SRGAP1: variants seen among roughly 807,000 people sequenced by gnomAD.
SRGAP1 encodes SLIT-ROBO Rho GTPase-activating protein 1.
SRGAP1 carries 43 observed loss-of-function variants against 121.9 expected under a neutral mutation model. The observed-to-expected ratio is 0.35, with a 90% confidence interval of 0.28 to 0.46. SRGAP1 has a LOEUF of 0.46. Ranked by LOEUF, SRGAP1 falls within the 20% of genes least tolerant of loss-of-function variation. The pLI is 1.00. For missense variants in SRGAP1, 1,102 were observed against 1,350.9 expected (o/e 0.82, Z 2.89); for synonymous variants, 447 against 485.4 (o/e 0.92, Z 1.04).
chr12:63,887,993 C>T (rs903365611), intron 1 of SRGAP1: 10 of 152,206 alleles, frequency 6.6e-5, no homozygotes, highest in Non-Finnish European at 1.2e-4. Flanking sequence ...TTGAGGTTCC[C>T]TCAATCCAAA....
intron 14 of SRGAP1, among the ~76,000 whole-genome samples, chr12:64,095,928 C>T (rs984054615): frequency 2.0e-5 from 3 of 152,110 alleles, no homozygotes; most frequent in Non-Finnish European, 4.4e-5. Flanking sequence ...TGCACACTTT[C>T]GTGTCAGGCA....
intron 6 of SRGAP1, among the ~76,000 whole-genome samples, chr12:64,044,674 C>G (rs537640348): frequency 1.4e-5 from 1 of 72,124 alleles, no homozygotes; most frequent in South Asian, 4.9e-4. Flanking sequence ...TGATGTGCCT[C>G]TTTTTTTTTT....
At chr12:63,868,086 T>TTTTTTTG (rs1899721348) in intron 1 of SRGAP1, among the ~76,000 whole-genome samples, 1 of 82,598 alleles carries the variant, frequency 1.2e-5, no homozygotes, top group African/African-American at 4.9e-5. Flanking sequence ...TTTGTTTTTT[T>TTTTTTTG]TTTTTTGTTT....
At chr12:64,090,961 G>C (rs1199544541) in intron 11 of SRGAP1, among the ~76,000 whole-genome samples, 3 of 152,184 alleles carry the variant, frequency 2.0e-5, no homozygotes, top group Admixed American at 2.0e-4. Context: ...CAAATAACAA[G>C]AATGCTGGTT....
At chr12:63,959,310 T>G (rs1565970168) in intron 1 of SRGAP1, among the ~76,000 whole-genome samples, 1 of 152,224 alleles carries the variant, frequency 6.6e-6, no homozygotes, top group Non-Finnish European at 1.5e-5. Flanking sequence ...AACTAGCTCA[T>G]AAACTGAGGA....
chr12:64,018,014 G>C (rs1054972394), intron 4 of SRGAP1, among the ~76,000 whole-genome samples: 1 of 151,826 alleles, frequency 6.6e-6, no homozygotes, highest in Non-Finnish European at 1.5e-5. Flanking sequence ...TATTTTAAGA[G>C]AATAAAATAA....
intron 1 of SRGAP1, among the ~76,000 whole-genome samples, chr12:63,932,121 CA>C (rs896914873): frequency 4.0e-4 from 59 of 148,920 alleles, no homozygotes; most frequent in African/African-American, 1.3e-3. Flanking sequence ...ACTAAAAATA[CA>C]AAAAAAAAAT....
chr12:64,045,753 TA>T (rs1425443521), intron 6 of SRGAP1, among the ~76,000 whole-genome samples: 1 of 152,242 alleles, frequency 6.6e-6, no homozygotes, highest in East Asian at 1.9e-4. Context: ...AAACCAACTT[TA>T]ATACAAGAAA....
chr12:64,137,098 T>C (rs1387730677), intron 21 of SRGAP1, among the ~76,000 whole-genome samples: 5 of 151,968 alleles, frequency 3.3e-5, no homozygotes, highest in Non-Finnish European at 7.4e-5. Flanking sequence ...ACCCTGTCTC[T>C]ACAAAAAATA....
rs59798383 is a variant in SRGAP1, at chr12:63,992,660, TACACACACACACACACAC to T, written c.426+2627_426+2644del. ...AATGGCCTGGAGAATGCACAGTAAA[TACACACACACACACACAC>T]ACACACACACACACACACACACACA... On this transcript the variant is annotated intron_variant, in intron 3 of 21. Coordinates refer to ENST00000355086, the MANE Select transcript of SRGAP1 (RefSeq NM_020762.4). 1.9e-3 allele frequency among the ~76,000 whole-genome samples: 258 copies of T among 138,576 alleles called. 1 individual carries two copies. Among genetic ancestry groups the T allele is most frequent in the East Asian group, 9.4e-3 (44 of 4,672 alleles). The allele number at this position is 138,576 out of a possible 152,430, so 90.9% of individuals were successfully genotyped here.
chr12:64,064,842 G>A (rs2035509265), intron 7 of SRGAP1, among the ~76,000 whole-genome samples: 2 of 152,166 alleles, frequency 1.3e-5, no homozygotes, highest in Admixed American at 6.5e-5. Flanking sequence ...CAGCATCGGA[G>A]CTCCATCGCA....
chr12:63,998,333 A>G (rs750405098), intron 3 of SRGAP1, among the ~76,000 whole-genome samples: 1 of 152,246 alleles, frequency 6.6e-6, no homozygotes, highest in African/African-American at 2.4e-5. Flanking sequence ...AAGACCCAGC[A>G]TTAGCAAGGC....
At chr12:63,924,935 G>A (rs1377663545) in intron 1 of SRGAP1, among the ~76,000 whole-genome samples, 5 of 152,156 alleles carry the variant, frequency 3.3e-5, no homozygotes, top group African/African-American at 1.2e-4. Context: ...TAAAATTTTT[G>A]TCTTAAAAAA....
intron 1 of SRGAP1, among the ~76,000 whole-genome samples, chr12:63,965,268 T>A (rs185655341): frequency 5.3e-5 from 8 of 152,302 alleles, no homozygotes. Flanking sequence ...AACACATCAT[T>A]GGGTTTTGGA....
At chr12:64,112,189 A>G (rs1476060823) in intron 17 of SRGAP1, among the ~76,000 whole-genome samples, 5 of 152,188 alleles carry the variant, frequency 3.3e-5, no homozygotes, top group Non-Finnish European at 5.9e-5. Flanking sequence ...AAGGACTCTT[A>G]TCTTTCAAAT....
chr12:63,961,237 T>C (rs935506276), intron 1 of SRGAP1, among the ~76,000 whole-genome samples: 3 of 152,224 alleles, frequency 2.0e-5, no homozygotes, highest in Admixed American at 6.5e-5. Context: ...TACTGTGTAG[T>C]GTCAGCATAA....
chr12:64,085,970 T>A (rs2035929391), intron 10 of SRGAP1, among the ~76,000 whole-genome samples: 1 of 152,220 alleles, frequency 6.6e-6, no homozygotes, highest in Non-Finnish European at 1.5e-5. Context: ...TCCTTTATGT[T>A]ATTTGTTATT....
At chr12:64,075,893 G>T in intron 8 of SRGAP1, among the ~76,000 whole-genome samples, 1 of 147,046 alleles carries the variant, frequency 6.8e-6, no homozygotes. Context: ...AATTGCTACT[G>T]TTTCTTTCCC....
At chr12:64,029,232 AT>A (rs1165448338) in intron 4 of SRGAP1, among the ~76,000 whole-genome samples, 1 of 152,170 alleles carries the variant, frequency 6.6e-6, no homozygotes, top group African/African-American at 2.4e-5. Flanking sequence ...GTTACTCCCC[AT>A]TTGGCCAAAA....
Sources: gnomAD v4.1 joint callset for allele counts (sites outside exome capture counted in the v4.1 genomes callset) on GRCh38, gnomAD v4.1.1 for gene constraint, MANE v1.5 for transcripts, NCBI Gene and HGNC (gene_info 2026-07-23, HGNC 2026-07-21) for gene names.